The following MBD5 variants were observed in gnomAD, a reference collection of about 807,000 sequenced individuals.
The protein encoded by MBD5 is methyl-CpG binding domain protein 5.
MBD5 carries 13 observed loss-of-function variants against 117.3 expected under a neutral mutation model. That is an observed-to-expected ratio of 0.11 (90% confidence interval 0.07 to 0.18). The LOEUF (loss-of-function observed/expected upper bound fraction) is 0.18. Ranked by LOEUF, MBD5 falls within the 10% of genes least tolerant of loss-of-function variation. The pLI, the probability that MBD5 is intolerant of heterozygous loss-of-function variation, is 1.00. For synonymous variants in MBD5, 727 were observed against 766.4 expected (o/e 0.95, Z 0.85); for missense variants, 1,879 against 2,093.8 (o/e 0.90, Z 2.00).
At chr2:148,241,513 C>G (rs115267776) in intron 3 of MBD5, among the ~76,000 whole-genome samples, 2,550 of 152,164 alleles carry the variant, frequency 0.017, 28 homozygotes, top group East Asian at 0.035. Flanking sequence ...GAGTCTTCCC[C>G]ATGCATGTAC....
chr2:148,203,545 A>G (rs10201553), intron 2 of MBD5, among the ~76,000 whole-genome samples: 145,096 of 152,228 alleles, frequency 0.95, 69,549 homozygotes, highest in East Asian at 1. Context: ...GGTTTTACCT[A>G]GCTACCTATT....
chr2:148,502,524 A>T lies in MBD5; in HGVS notation c.5036+15A>T. ...AGGAACAGAAAGTAAGCACTTTTCC[A>T]AAATTTTACTTTGTTTTTCCAGGAT... On this transcript the variant is annotated intron_variant, in intron 12 of 13. Transcript: ENST00000642680. The T allele has an allele frequency of 6.2e-7, 1 of 1,611,480 alleles. No individual in the cohort carries two copies. Among genetic ancestry groups the T allele is most frequent in the Non-Finnish European group, 8.5e-7 (1 of 1,177,920 alleles).
intron 1 of MBD5, among the ~76,000 whole-genome samples, chr2:148,105,511 G>A (rs1420315380): frequency 1.3e-5 from 2 of 152,042 alleles, no homozygotes; most frequent in African/African-American, 2.4e-5. Flanking sequence ...GAGCCACCAC[G>A]CCCGGCAAGT....
At position 148,516,172 on chromosome 2, in the gene MBD5, C is replaced by T. The variant is rs984202945; in HGVS notation, c.*3231C>T. ...GTTTTAGGAAGATTCTTATATCCTACGAGGTGACTCATGTTTCATTTTAGA... is the reference window on the plus strand; with the variant it reads ...GTTTTAGGAAGATTCTTATATCCTATGAGGTGACTCATGTTTCATTTTAGA... On this transcript the variant is annotated 3_prime_UTR_variant, in exon 14 of 14. Coordinates refer to ENST00000642680, the MANE Select transcript of MBD5 (RefSeq NM_001378120.1). 6 of 152,162 alleles carry T rather than the reference C, an allele frequency of 3.9e-5. No homozygotes were observed. The highest frequency in any genetic ancestry group is 7.4e-5 in the Non-Finnish European group (5 of 68,024). 9.4% of individuals were successfully genotyped at this position (152,162 alleles called of 1,614,324 possible).
chr2:148,174,912 A>G (rs549716507), intron 1 of MBD5, among the ~76,000 whole-genome samples: 8 of 152,244 alleles, frequency 5.3e-5, no homozygotes, highest in African/African-American at 1.7e-4. Context: ...CTAAAAATAG[A>G]ATTATCTGAT....
intron 1 of MBD5, among the ~76,000 whole-genome samples, chr2:148,060,095 T>G (rs2105817803): frequency 8.8e-6 from 1 of 114,158 alleles, no homozygotes; most frequent in East Asian, 2.9e-4. Flanking sequence ...GCGAGCACCG[T>G]GGGCAACATA....
chr2:148,483,279 C>T lies in MBD5; in HGVS notation c.2688C>T (p.His896=), dbSNP rs1681222021. 2.5e-6 allele frequency: 4 copies of T among 1,613,864 alleles called. No homozygotes were observed. Among genetic ancestry groups the T allele is most frequent in the Middle Eastern group, 1.6e-4 (1 of 6,084 alleles). The part of the protein sequence containing the change: ...GSDFPFVGQE[H]ALHFPSNSTS... ...ATTTTCCTTTTGTTGGCCAGGAGCA[C>T]GCACTTCATTTTCCATCCAACAGCA... The change falls in exon 9 of 14, where the codon CAC becomes CAT. Residue 896 remains histidine, a synonymous_variant. Coordinates refer to ENST00000642680, the MANE Select transcript of MBD5 (RefSeq NM_001378120.1).
intron 3 of MBD5, among the ~76,000 whole-genome samples, chr2:148,286,470 T>A (rs1701371013): frequency 1.3e-5 from 2 of 152,214 alleles, no homozygotes; most frequent in African/African-American, 2.4e-5. Flanking sequence ...GACCTCTGTT[T>A]ATTTAGGTAA....
intron 11 of MBD5, 28 bp downstream of exon 11, chr2:148,490,622 T>C (rs1191052448): frequency 6.2e-7 from 1 of 1,613,190 alleles, no homozygotes; most frequent in South Asian, 1.1e-5. Flanking sequence ...CATTGTCAAA[T>C]ACTAACCTTT....
At chr2:148,384,441 A>C (rs1230578304) in intron 4 of MBD5, among the ~76,000 whole-genome samples, 2 of 152,178 alleles carry the variant, frequency 1.3e-5, no homozygotes, top group Non-Finnish European at 2.9e-5. Context: ...ACTACAAACC[A>C]CTGCTCAATG....
At chr2:148,030,544 T>C (rs188563516) in intron 1 of MBD5, among the ~76,000 whole-genome samples, 19 of 152,292 alleles carry the variant, frequency 1.2e-4, no homozygotes, top group Non-Finnish European at 2.1e-4. Context: ...AGACATAAAG[T>C]ATATGCCATA....
chr2:148,126,089 T>C (rs1696882136), intron 1 of MBD5, among the ~76,000 whole-genome samples: 1 of 152,036 alleles, frequency 6.6e-6, no homozygotes, highest in Non-Finnish European at 1.5e-5. Context: ...CAGTGCATCA[T>C]GGAGAATTGT....
chr2:148,230,286 T>C (rs1699950933), intron 2 of MBD5, among the ~76,000 whole-genome samples: 1 of 152,100 alleles, frequency 6.6e-6, no homozygotes, highest in Admixed American at 6.6e-5. Context: ...TCCCCACTCT[T>C]CCCTTCCCTT....
At chr2:148,326,435 G>T (rs1424887499) in intron 3 of MBD5, among the ~76,000 whole-genome samples, 1 of 152,044 alleles carries the variant, frequency 6.6e-6, no homozygotes, top group African/African-American at 2.4e-5. Context: ...TGACAGTGGG[G>T]TGTTAAAATC....
At chr2:148,412,362 G>A (rs931627290) in intron 4 of MBD5, among the ~76,000 whole-genome samples, 1 of 151,774 alleles carries the variant, frequency 6.6e-6, no homozygotes, top group Non-Finnish European at 1.5e-5. Context: ...CAGAGACAGA[G>A]AGAGAGAGTG....
At chr2:148,023,288 A>AT (rs1192350084) in intron 1 of MBD5, among the ~76,000 whole-genome samples, 1 of 152,122 alleles carries the variant, frequency 6.6e-6, no homozygotes, top group Non-Finnish European at 1.5e-5. Context: ...AATACTTCTA[A>AT]TTTTTTATTT....
intron 3 of MBD5, among the ~76,000 whole-genome samples, chr2:148,280,621 G>T (rs1184918494): frequency 6.6e-6 from 1 of 152,062 alleles, no homozygotes; most frequent in African/African-American, 2.4e-5. Flanking sequence ...GGTAGAGAGG[G>T]GTTTTGCCAT....
intron 1 of MBD5, among the ~76,000 whole-genome samples, chr2:148,084,527 A>G (rs942738774): frequency 6.6e-6 from 1 of 152,200 alleles, no homozygotes; most frequent in Non-Finnish European, 1.5e-5. Context: ...TAATCTTTCC[A>G]TGGAAATTTA....
At chr2:148,066,696 T>A (rs1695204542) in intron 1 of MBD5, among the ~76,000 whole-genome samples, 1 of 152,144 alleles carries the variant, frequency 6.6e-6, no homozygotes, top group Non-Finnish European at 1.5e-5. Flanking sequence ...TAGCCTGGTC[T>A]TGAACTCCTG....
Sources: allele counts gnomAD v4.1 joint callset (sites outside exome capture counted in the v4.1 genomes callset), GRCh38; gene constraint gnomAD v4.1.1; transcripts MANE v1.5; gene names NCBI Gene and HGNC (gene_info 2026-07-23, HGNC 2026-07-21).